Variants in DNAL1 observed in about 807,000 individuals in gnomAD.
DNAL1 encodes the protein chromosome 14 open reading frame 168.
DNAL1 carries 17 observed loss-of-function variants against 29.4 expected under a neutral mutation model. That is an observed-to-expected ratio of 0.58 (90% CI 0.40 to 0.87). The LOEUF is 0.87. Among genes scored for constraint, DNAL1 ranks in the 40% least tolerant of loss-of-function variants. The pLI, the probability that DNAL1 is intolerant of heterozygous loss-of-function variation, is 0.00. For missense variants in DNAL1, 188 were observed against 214.1 expected (o/e 0.88, Z 0.76); for synonymous variants, 78 against 76.3 (o/e 1.02, Z -0.12).
intron 1 of DNAL1, among the ~76,000 whole-genome samples, chr14:73,651,820 C>A (rs1249968149): frequency 6.6e-6 from 1 of 152,028 alleles, no homozygotes; most frequent in Admixed American, 6.6e-5. Flanking sequence ...CCATGCCCAG[C>A]TAAGTTTTGT....
intron 1 of DNAL1, among the ~76,000 whole-genome samples, chr14:73,646,949 T>TA (rs1017890556): frequency 6.6e-6 from 1 of 152,124 alleles, no homozygotes; most frequent in Non-Finnish European, 1.5e-5. Context: ...TATTTCAATT[T>TA]AAAAAAATTT....
chr14:73,688,497 C>T (rs946835734), intron 6 of DNAL1, among the ~76,000 whole-genome samples: 4 of 152,138 alleles, frequency 2.6e-5, no homozygotes, highest in East Asian at 1.9e-4. Context: ...GTGGTACATG[C>T]CTGTAGTCCA....
Position 73,676,492 on chromosome 14 carries a change from AT to A in DNAL1, c.264+4901del, listed in dbSNP as rs140688629. ...TGTTTGTTCTGATAGTGTACAAGCC[AT>A]TTTTTCCTGTAATTTAGCTTTTTCT... On this transcript the variant is annotated intron_variant, in intron 5 of 7. Coordinates refer to ENST00000553645, the MANE Select transcript of DNAL1 (RefSeq NM_031427.4). 6.7e-3 allele frequency among the ~76,000 whole-genome samples: 1,016 copies of A among 152,120 alleles called. 17 individuals carry two copies. Among genetic ancestry groups the A allele is most frequent in the African/African-American group, 0.023 (953 of 41,490 alleles).
At chr14:73,683,699 T>G (rs563900814) in intron 5 of DNAL1, among the ~76,000 whole-genome samples, 1 of 150,830 alleles carries the variant, frequency 6.6e-6, no homozygotes, top group Non-Finnish European at 1.5e-5. Flanking sequence ...TTTATTTATT[T>G]ATTATTATTA....
chr14:73,676,502 G>A (rs1179088561), intron 5 of DNAL1, among the ~76,000 whole-genome samples: 1 of 151,962 alleles, frequency 6.6e-6, no homozygotes, highest in African/African-American at 2.4e-5. Context: ...ATTTTTTCCT[G>A]TAATTTAGCT....
chr14:73,683,485 T>C (rs8005381), intron 5 of DNAL1, among the ~76,000 whole-genome samples: 6,806 of 152,156 alleles, frequency 0.045, 528 homozygotes, highest in African/African-American at 0.15. Context: ...GATGAAATGT[T>C]ATGCATTGCA....
chr14:73,665,742 G>C (rs1269559671), intron 4 of DNAL1, among the ~76,000 whole-genome samples: 2 of 150,918 alleles, frequency 1.3e-5, no homozygotes, highest in Non-Finnish European at 2.9e-5. Flanking sequence ...AGTGAGCTGA[G>C]ATCACGCTAC....
At chr14:73,651,806 A>C (rs918722737) in intron 1 of DNAL1, among the ~76,000 whole-genome samples, 16 of 151,972 alleles carry the variant, frequency 1.1e-4, no homozygotes, top group African/African-American at 3.6e-4. Flanking sequence ...ACAGGTGCAC[A>C]TCACCATGCC....
At chr14:73,693,732 A>G (rs912881024) in intron 7 of DNAL1, among the ~76,000 whole-genome samples, 2 of 152,118 alleles carry the variant, frequency 1.3e-5, no homozygotes, top group African/African-American at 4.8e-5. Context: ...ACAAAAAACA[A>G]GGAAAATAAG....
At chr14:73,680,965 A>T (rs532339625) in intron 5 of DNAL1, among the ~76,000 whole-genome samples, 1 of 152,196 alleles carries the variant, frequency 6.6e-6, no homozygotes, top group South Asian at 2.1e-4. Flanking sequence ...ATAAGAAATG[A>T]TACAGGTGTA....
At position 73,698,349 on chromosome 14, in the gene DNAL1, C is replaced by T. The variant is rs758786439; in HGVS notation, c.*2407C>T. On this transcript the variant is annotated 3_prime_UTR_variant, in exon 8 of 8. Coordinates refer to ENST00000553645, the MANE Select transcript of DNAL1 (RefSeq NM_031427.4). ...TGTATGAAGAAATGTAGGATATTCT[C>T]TCAAATCATTCCCTAAATTATCCTT... 4 of 152,188 alleles carry T rather than the reference C, an allele frequency of 2.6e-5. No individual in the cohort carries two copies. Among genetic ancestry groups the T allele is most frequent in the Admixed American group, 6.5e-5 (1 of 15,276 alleles). 9.4% of individuals were successfully genotyped at this position (152,188 alleles called of 1,614,324 possible). A position where few individuals can be genotyped will look rare whatever the true frequency, so the allele number is the denominator to read the frequency against.
At chr14:73,665,328 A>C (rs1372673212) in intron 4 of DNAL1, among the ~76,000 whole-genome samples, 1 of 151,974 alleles carries the variant, frequency 6.6e-6, no homozygotes, top group Non-Finnish European at 1.5e-5. Context: ...TTTTTTGCTG[A>C]CTCACTCAAA....
At chr14:73,662,777 C>T (rs1891385064) in intron 4 of DNAL1, among the ~76,000 whole-genome samples, 1 of 150,918 alleles carries the variant, frequency 6.6e-6, no homozygotes, top group African/African-American at 2.4e-5. Flanking sequence ...CTCCCTGTCT[C>T]TCAAGATCCT....
chr14:73,675,245 C>T (rs1273341685), intron 5 of DNAL1, among the ~76,000 whole-genome samples: 2 of 151,656 alleles, frequency 1.3e-5, no homozygotes, highest in Non-Finnish European at 2.9e-5. Flanking sequence ...TCCTAATGAC[C>T]ATTCAGTTTT....
intron 7 of DNAL1, among the ~76,000 whole-genome samples, chr14:73,694,296 C>T (rs1315499772): frequency 7.5e-6 from 1 of 133,882 alleles, no homozygotes; most frequent in African/African-American, 2.6e-5. Flanking sequence ...ATAAAGTCTT[C>T]AGAGAAGAGA....
Position 73,699,855 on chromosome 14 carries a change from T to C in DNAL1, c.*3913T>C, listed in dbSNP as rs1287464928. ...GTCATCATTCTTTAAGCGTCATTCA[T>C]TGTCTAATCACATAATTTTGCAGAC... On this transcript the variant is annotated 3_prime_UTR_variant, in exon 8 of 8. Coordinates refer to ENST00000553645, the MANE Select transcript of DNAL1 (RefSeq NM_031427.4). 1 of 152,264 alleles carries C rather than the reference T, an allele frequency of 6.6e-6. No individual in the cohort carries two copies. Among genetic ancestry groups the C allele is most frequent in the East Asian group, 1.9e-4 (1 of 5,202 alleles). 9.4% of individuals were successfully genotyped at this position (152,264 alleles called of 1,614,324 possible). A position where few individuals can be genotyped will look rare whatever the true frequency, so the allele number is the denominator to read the frequency against.
chr14:73,681,770 G>C (rs1185297785), intron 5 of DNAL1, among the ~76,000 whole-genome samples: 1 of 150,210 alleles, frequency 6.7e-6, no homozygotes, highest in Admixed American at 6.6e-5. Context: ...ACTCCAGCCT[G>C]GACAACAGAG....
chr14:73,648,382 ATG>A (rs1239898468), intron 1 of DNAL1, among the ~76,000 whole-genome samples: 1 of 130,700 alleles, frequency 7.7e-6, no homozygotes, highest in African/African-American at 2.9e-5. Context: ...CTGATTCTCG[ATG>A]TGTTATAACA....
At chr14:73,688,152 T>C (rs1892068424) in intron 6 of DNAL1, among the ~76,000 whole-genome samples, 1 of 152,196 alleles carries the variant, frequency 6.6e-6, no homozygotes, top group Non-Finnish European at 1.5e-5. Flanking sequence ...ACTTATTTGA[T>C]ATCTATGTTA....
Sources: gnomAD v4.1 joint callset for allele counts (sites outside exome capture counted in the v4.1 genomes callset) on GRCh38, gnomAD v4.1.1 for gene constraint, MANE v1.5 for transcripts, NCBI Gene and HGNC (gene_info 2026-07-23, HGNC 2026-07-21) for gene names.